ABCB7: variants seen among roughly 807,000 people sequenced by gnomAD.
ABCB7 encodes iron-sulfur clusters transporter ABCB7, mitochondrial.
A neutral mutation model predicts 54.4 loss-of-function variants in ABCB7; 7 were observed. That is an observed-to-expected ratio of 0.13 (90% confidence interval 0.07 to 0.24). ABCB7 has a LOEUF of 0.24. Ranked by LOEUF, ABCB7 falls within the 10% of genes least tolerant of loss-of-function variation. The pLI, the probability that ABCB7 is intolerant of heterozygous loss-of-function variation, is 1.00. For synonymous variants in ABCB7, 218 were observed against 207.1 expected (o/e 1.05, Z -0.45); for missense variants, 356 against 570.4 (o/e 0.62, Z 3.83).
chrX:75,066,570 CTG>C (rs1296089451), intron 12 of ABCB7, among the ~76,000 whole-genome samples: 4 of 110,784 alleles, frequency 3.6e-5, no homozygotes, highest in Admixed American at 9.7e-5. Flanking sequence ...ACATGGGTAA[CTG>C]TGAGATGATG....
At chrX:75,063,371 G>GA (rs1367477443) in intron 13 of ABCB7, among the ~76,000 whole-genome samples, 1 of 110,549 alleles carries the variant, frequency 9.0e-6, no homozygotes. Context: ...ACCAATATCT[G>GA]AAAAACATAT....
chrX:75,122,167 A>C (rs1457561848), intron 1 of ABCB7, among the ~76,000 whole-genome samples: 1 of 111,699 alleles, frequency 9.0e-6, no homozygotes, highest in Non-Finnish European at 1.9e-5. Context: ...AGGTCAGCAC[A>C]AGATATAGGT....
At chrX:75,121,529 G>C (rs1232148094) in intron 1 of ABCB7, among the ~76,000 whole-genome samples, 1 of 111,059 alleles carries the variant, frequency 9.0e-6, no homozygotes, top group Non-Finnish European at 1.9e-5. Context: ...TTGTTCCTGT[G>C]AGCCTGCTTG....
chrX:75,130,218 T>C (rs1602402894), intron 1 of ABCB7, among the ~76,000 whole-genome samples: 1 of 112,083 alleles, frequency 8.9e-6, no homozygotes, highest in African/African-American at 3.2e-5. Flanking sequence ...CAAGAATCAA[T>C]GTAATTCTGA....
At chrX:75,057,740 T>C (rs967952790) in intron 15 of ABCB7, among the ~76,000 whole-genome samples, 3 of 109,109 alleles carry the variant, frequency 2.7e-5, no homozygotes, top group Non-Finnish European at 5.7e-5. Flanking sequence ...GGACATTTTG[T>C]TGGGGTTCTC....
chrX:75,069,848 A>G lies in ABCB7; in HGVS notation c.1366-394T>C, dbSNP rs189542934. On this transcript the variant is annotated intron_variant, in intron 10 of 15. Transcript: ENST00000373394. ...ACTTTCTAGTATAATAGTCTTCATT[A>G]ACATTGTAAGATTTTATTTATTTAT... Among the ~76,000 whole-genome samples, 480 of 110,949 alleles carry G rather than the reference A, an allele frequency of 4.3e-3. 2 individuals are homozygous for G. The highest frequency in any genetic ancestry group is 0.015 in the African/African-American group (462 of 30,310).
At chrX:75,128,360 A>G (rs2081949886) in intron 1 of ABCB7, among the ~76,000 whole-genome samples, 1 of 111,688 alleles carries the variant, frequency 9.0e-6, no homozygotes. Context: ...AGGATTCCCT[A>G]TTTAACAAAT....
At chrX:75,150,705 A>C (rs775159388) in intron 1 of ABCB7, among the ~76,000 whole-genome samples, 18 of 111,734 alleles carry the variant, frequency 1.6e-4, no homozygotes, top group African/African-American at 5.5e-4. Context: ...GGGCAATTTT[A>C]TCTCTTATTA....
rs763223675 is a variant in ABCB7, at chrX:75,062,323, C to G, written c.1935+5G>C. On this transcript the variant is annotated splice_donor_5th_base_variant and intron_variant, in intron 14 of 15. Transcript: ENST00000373394. ...GAAGAGCTTTATATTTTAATCATAA[C>G]TTACCTCTTCAGTAATCGAATCTAA... 4.2e-6 allele frequency: 5 copies of G among 1,193,691 alleles called. No homozygotes were observed. In the Admixed American group the frequency reaches 1.1e-4, roughly 26 times the overall value.
chrX:75,097,008 G>A (rs1175141860), intron 4 of ABCB7, among the ~76,000 whole-genome samples: 1 of 110,923 alleles, frequency 9.0e-6, no homozygotes, highest in Non-Finnish European at 1.9e-5. Context: ...CCCTACTTTA[G>A]GTCTATCACC....
intron 8 of ABCB7, among the ~76,000 whole-genome samples, chrX:75,072,474 T>C (rs1371792519): frequency 8.9e-6 from 1 of 112,298 alleles, no homozygotes; most frequent in Non-Finnish European, 1.9e-5. Context: ...TAAACCTGTA[T>C]AGCACGTTAC....
intron 3 of ABCB7, among the ~76,000 whole-genome samples, chrX:75,105,738 C>A (rs2081692722): frequency 8.9e-6 from 1 of 111,878 alleles, no homozygotes. Flanking sequence ...AGAGGTACCA[C>A]ATTATCTGAC....
In ABCB7 at chrX:75,098,966, C is replaced by G. The variant is rs768719923; in HGVS notation, c.429G>C (p.Ser143=). The G allele has an allele frequency of 4.1e-6, 5 of 1,211,344 alleles. No individual in the cohort carries two copies. The highest frequency in any genetic ancestry group is 5.6e-6 in the Non-Finnish European group (5 of 895,285). The part of the protein sequence containing the change: ...RPDLRARVAI[S]LGFLGGAKAM... ...CCTTTGCACCACCCAAAAATCCCAG[C>G]GAAATGGCAACTCTAGCTCGTAGAT... The change falls in exon 4 of 16, where the codon TCG becomes TCC. Residue 143 remains serine, a synonymous_variant. Coordinates refer to ENST00000373394, the MANE Select transcript of ABCB7 (RefSeq NM_001271696.3).
At chrX:75,142,548 T>C (rs976803120) in intron 1 of ABCB7, among the ~76,000 whole-genome samples, 1 of 111,921 alleles carries the variant, frequency 8.9e-6, no homozygotes. Flanking sequence ...GAAAGAAATA[T>C]GATGTTTGCA....
chrX:75,112,829 A>G (rs1602383407), intron 3 of ABCB7, 57 bp downstream of exon 3: 1 of 930,800 alleles, frequency 1.1e-6, no homozygotes, highest in East Asian at 3.1e-5. Context: ...AAATACATAT[A>G]TCTTCTGTGC....
chrX:75,063,855 A>C (rs1485562197), intron 13 of ABCB7, among the ~76,000 whole-genome samples: 1 of 112,135 alleles, frequency 8.9e-6, no homozygotes, highest in South Asian at 3.7e-4. Flanking sequence ...TTCTTTAGCT[A>C]TTCCTATCCC....
chrX:75,076,543 C>T lies in ABCB7; in HGVS notation c.565G>A (p.Ala189Thr), dbSNP rs2081410346. 1 of 1,211,061 alleles carries T rather than the reference C, an allele frequency of 8.3e-7. No individual in the cohort carries two copies. The highest frequency in any genetic ancestry group is 1.1e-6 in the Non-Finnish European group (1 of 894,954). Residue 189 changes from alanine (A) to threonine (T), a missense_variant, in exon 5 of 16, where the codon GCA becomes ACA. Transcript: ENST00000373394. ...SDAPNTVATMATAVLIGYGVS... is the reference protein window; with the variant it reads ...SDAPNTVATMTTAVLIGYGVS... ...ATACAGCCAATCAGAACTGCTGTTG[C>T]CATGGTTGCAACTGTATTTGGTGCA... is the stretch of plus-strand genomic sequence containing the variant.
chrX:75,058,623 T>A (rs2081259922), intron 15 of ABCB7, among the ~76,000 whole-genome samples: 2 of 111,833 alleles, frequency 1.8e-5, no homozygotes, highest in African/African-American at 6.5e-5. Flanking sequence ...TTATGAATAA[T>A]AAAGAGATTC....
chrX:75,137,335 T>C (rs1411055422), intron 1 of ABCB7, among the ~76,000 whole-genome samples: 1 of 112,149 alleles, frequency 8.9e-6, no homozygotes, highest in Admixed American at 9.4e-5. Flanking sequence ...TGAGATACCA[T>C]CTCATACCAG....
Sources: gnomAD v4.1 joint callset for allele counts (sites outside exome capture counted in the v4.1 genomes callset) on GRCh38, gnomAD v4.1.1 for gene constraint, MANE v1.5 for transcripts, NCBI Gene and HGNC (gene_info 2026-07-23, HGNC 2026-07-21) for gene names.